Variants in MAP3K7 observed in about 807,000 individuals in gnomAD.
MAP3K7 encodes mitogen-activated protein kinase kinase kinase 7.
MAP3K7 carries 21 observed loss-of-function variants against 84.8 expected under a neutral mutation model. The observed-to-expected ratio is 0.25, with a 90% confidence interval of 0.18 to 0.36. The LOEUF (loss-of-function observed/expected upper bound fraction) is 0.36, where lower values mean the gene tolerates loss of function less well. MAP3K7 is among the 10% of genes least tolerant of loss of function. The pLI is 1.00. For missense variants in MAP3K7, 503 were observed against 747.7 expected (o/e 0.67, Z 3.82); for synonymous variants, 241 against 247.7 (o/e 0.97, Z 0.25).
chr6:90,584,569 C>T (rs939900070), intron 1 of MAP3K7, among the ~76,000 whole-genome samples: 2 of 151,994 alleles, frequency 1.3e-5, no homozygotes, highest in Non-Finnish European at 2.9e-5. Context: ...AACACAGAAA[C>T]CTAACCAGAA....
chr6:90,536,572 T>G, intron 12 of MAP3K7, 171 bp from the exon 13 acceptor site: 1 of 580,058 alleles, frequency 1.7e-6, no homozygotes. Context: ...AAGAGAAAGA[T>G]GTAAAGAAAG....
At chr6:90,542,530 C>T (rs971312846) in intron 12 of MAP3K7, 18 of 975,498 alleles carry the variant, frequency 1.8e-5, no homozygotes, top group Non-Finnish European at 2.1e-5. Context: ...AATGTGAACA[C>T]TAAGAGAAAG....
At chr6:90,530,912 A>G (rs755053128) in intron 13 of MAP3K7, among the ~76,000 whole-genome samples, 5 of 152,262 alleles carry the variant, frequency 3.3e-5, no homozygotes, top group Non-Finnish European at 5.9e-5. Context: ...GAGGGTCACA[A>G]ATGCTCTCAA....
chr6:90,516,909 C>T lies in MAP3K7; in HGVS notation c.1641-228G>A, dbSNP rs180790615. On this transcript the variant is annotated intron_variant, in intron 16 of 16. Transcript: ENST00000369329. ...TAAGTAACTGTACTTGGATAATTAG[C>T]GAAGCAGATAAAATGGTAAAATAAA... Among the ~76,000 whole-genome samples the T allele has an allele frequency of 8.6e-5, 13 of 151,860 alleles. No individual in the cohort carries two copies. In the South Asian group the frequency reaches 1.5e-3, roughly 17 times the overall value.
chr6:90,517,721 C>T (rs1775011983), intron 16 of MAP3K7, among the ~76,000 whole-genome samples: 1 of 151,630 alleles, frequency 6.6e-6, no homozygotes, highest in Non-Finnish European at 1.5e-5. Context: ...AATTTTTTCT[C>T]TCTTTTTTTT....
intron 13 of MAP3K7, among the ~76,000 whole-genome samples, chr6:90,535,206 T>G (rs1193423894): frequency 2.0e-5 from 3 of 152,018 alleles, no homozygotes; most frequent in Non-Finnish European, 4.4e-5. Context: ...GAAGTGGTTT[T>G]TGGTAAGTTG....
chr6:90,550,922 T>C (rs927011667), intron 8 of MAP3K7: 18 of 155,480 alleles, frequency 1.2e-4, no homozygotes, highest in Non-Finnish European at 2.1e-4. Context: ...GAATAATTGT[T>C]AGAACATTTT....
intron 14 of MAP3K7, among the ~76,000 whole-genome samples, chr6:90,521,044 G>C (rs560915895): frequency 3.2e-4 from 48 of 151,916 alleles, no homozygotes; most frequent in African/African-American, 1.1e-3. Context: ...TGGTATTCTG[G>C]GAGCAGAAAA....
At chr6:90,546,677 A>G (rs1249480849) in intron 11 of MAP3K7, among the ~76,000 whole-genome samples, 1 of 152,184 alleles carries the variant, frequency 6.6e-6, no homozygotes, top group East Asian at 1.9e-4. Context: ...TCCATGATTA[A>G]TAATTTTAAG....
At chr6:90,584,125 T>C (rs1413786803) in intron 1 of MAP3K7, among the ~76,000 whole-genome samples, 1 of 152,210 alleles carries the variant, frequency 6.6e-6, no homozygotes, top group Non-Finnish European at 1.5e-5. Context: ...TTTCTTAATT[T>C]AGAAGGTAAT....
At chr6:90,532,631 A>C (rs1430409561) in intron 13 of MAP3K7, among the ~76,000 whole-genome samples, 2 of 152,230 alleles carry the variant, frequency 1.3e-5, no homozygotes, top group Non-Finnish European at 2.9e-5. Context: ...AGAATTCTTG[A>C]ATATAGATCT....
At chr6:90,518,616 CTAAGA>C (rs1775046795) in intron 15 of MAP3K7, 54 bp from the exon 16 acceptor site, 5 of 894,474 alleles carry the variant, frequency 5.6e-6, no homozygotes, top group South Asian at 2.8e-5. Flanking sequence ...CAATATCTAG[CTAAGA>C]TGAGAGTCAA....
At chr6:90,532,953 T>A (rs1562083947) in intron 13 of MAP3K7, among the ~76,000 whole-genome samples, 1 of 152,156 alleles carries the variant, frequency 6.6e-6, no homozygotes, top group African/African-American at 2.4e-5. Context: ...ATGATTAAAG[T>A]ATAGAGTTTG....
chr6:90,563,360 A>G (rs1776589861), intron 3 of MAP3K7, among the ~76,000 whole-genome samples: 1 of 152,206 alleles, frequency 6.6e-6, no homozygotes, highest in Admixed American at 6.5e-5. Context: ...TAGAATAAAC[A>G]GCATAGAGAA....
chr6:90,550,613 GT>G, intron 8 of MAP3K7, 64 bp from the exon 9 acceptor site: 1 of 1,028,808 alleles, frequency 9.7e-7, no homozygotes, highest in Non-Finnish European at 1.5e-6. Context: ...CCTGATTAAT[GT>G]TTTATTTTCC....
intron 1 of MAP3K7, among the ~76,000 whole-genome samples, chr6:90,582,602 A>T (rs1777310724): frequency 6.6e-6 from 1 of 152,192 alleles, no homozygotes; most frequent in South Asian, 2.1e-4. Context: ...ATGGGGGAAC[A>T]GCGCTTTAGG....
At chr6:90,580,191 T>C (rs1442228687) in intron 1 of MAP3K7, among the ~76,000 whole-genome samples, 1 of 152,166 alleles carries the variant, frequency 6.6e-6, no homozygotes, top group Non-Finnish European at 1.5e-5. Flanking sequence ...CATTATTAGA[T>C]AAGGAATGAG....
chr6:90,556,380 T>C lies in MAP3K7; in HGVS notation c.607+120A>G, dbSNP rs1025487060. 13 of 1,023,498 alleles carry C rather than the reference T, an allele frequency of 1.3e-5. No individual in the cohort carries two copies. In the African/African-American group the frequency reaches 1.5e-4, roughly 12 times the overall value. The allele number at this position is 1,023,498 out of a possible 1,614,324, so 63.4% of individuals were successfully genotyped here. ...ATATTTAATATCCCCTTAGATTTCATTGTATACTTTATGTATTATGCAGAA... is the reference window on the plus strand; with the variant it reads ...ATATTTAATATCCCCTTAGATTTCACTGTATACTTTATGTATTATGCAGAA... On this transcript the variant is annotated intron_variant, in intron 6 of 16. Coordinates refer to ENST00000369329, the MANE Select transcript of MAP3K7 (RefSeq NM_145331.3).
chr6:90,564,106 G>A (rs1776617836), intron 3 of MAP3K7, among the ~76,000 whole-genome samples: 1 of 152,220 alleles, frequency 6.6e-6, no homozygotes, highest in African/African-American at 2.4e-5. Flanking sequence ...ACCAGCCATT[G>A]CAAAAACATG....
Sources: allele counts gnomAD v4.1 joint callset (sites outside exome capture counted in the v4.1 genomes callset), GRCh38; gene constraint gnomAD v4.1.1; transcripts MANE v1.5; gene names NCBI Gene and HGNC (gene_info 2026-07-23, HGNC 2026-07-21).